The following MALRD1 variants were observed in gnomAD, a reference collection of about 807,000 sequenced individuals.
MALRD1 encodes the protein MAM and LDL-receptor class A domain-containing protein 1.
In MALRD1, 247 loss-of-function variants were observed where a neutral mutation model predicts 242.1. The observed-to-expected ratio is 1.02, with a 90% CI of 0.92 to 1.13. The LOEUF (loss-of-function observed/expected upper bound fraction) is 1.13, where lower values mean the gene tolerates loss of function less well. Ranked by LOEUF, MALRD1 falls within the 50% of genes most tolerant of loss-of-function variation. The pLI, the probability that MALRD1 is intolerant of heterozygous loss-of-function variation, is 0.00. For synonymous variants in MALRD1, 995 were observed against 866.6 expected, an observed-to-expected ratio of 1.15 and a Z score of -2.60; for missense variants, 2,989 against 2,533.1, an observed-to-expected ratio of 1.18 and a Z score of -3.86.
At chr10:19,510,044 G>A (rs1286696615) in intron 31 of MALRD1, among the ~76,000 whole-genome samples, 1 of 152,194 alleles carries the variant, frequency 6.6e-6, no homozygotes, top group Non-Finnish European at 1.5e-5. Flanking sequence ...TAGGGTAATA[G>A]TGGAGAGAGG....
At chr10:19,522,366 A>G (rs1396080761) in intron 31 of MALRD1, among the ~76,000 whole-genome samples, 1 of 152,144 alleles carries the variant, frequency 6.6e-6, no homozygotes, top group Non-Finnish European at 1.5e-5. Context: ...TTAAAAGGCC[A>G]TTAGTGTGAG....
intron 2 of MALRD1, among the ~76,000 whole-genome samples, chr10:19,073,896 C>CT (rs1306831278): frequency 7.9e-5 from 12 of 152,192 alleles, no homozygotes; most frequent in African/African-American, 2.9e-4. Flanking sequence ...GAGACAAACT[C>CT]TGACTCCAGA....
chr10:19,468,823 G>A (rs1589125843), intron 29 of MALRD1, among the ~76,000 whole-genome samples: 1 of 151,926 alleles, frequency 6.6e-6, no homozygotes, highest in East Asian at 1.9e-4. Context: ...GTTCTTTTTG[G>A]TTCTGATACT....
At chr10:19,176,823 T>C (rs12266129) in intron 14 of MALRD1, among the ~76,000 whole-genome samples, 20,967 of 88,646 alleles carry the variant, frequency 0.24, 1,542 homozygotes, top group Middle Eastern at 0.3. Flanking sequence ...TGTGTGTCTG[T>C]GTGTGTGTGC....
chr10:19,514,362 TC>T (rs773161267), intron 31 of MALRD1, among the ~76,000 whole-genome samples: 130 of 152,314 alleles, frequency 8.5e-4, no homozygotes, highest in Non-Finnish European at 1.7e-3. Context: ...TGACAATGTT[TC>T]CCATGCCATT....
Position 19,128,105 on chromosome 10 carries a change from G to GT in MALRD1, c.944-115dup, listed in dbSNP as rs1273878708. 3 of 647,134 alleles carry GT rather than the reference G, an allele frequency of 4.6e-6. No homozygotes were observed. In the Admixed American group the frequency reaches 1.3e-4, roughly 28 times the overall value. The allele number at this position is 647,134 out of a possible 1,614,324, so 40.1% of individuals were successfully genotyped here. On this transcript the variant is annotated intron_variant, in intron 7 of 39. Coordinates refer to ENST00000454679, the MANE Select transcript of MALRD1 (RefSeq NM_001142308.3). The stretch of plus-strand genomic sequence containing the variant: ...ATTTGAAAACGCTCTATCCTTTTAA[G>GT]TAAAATATTTGTGTTTTAAGTCTAG...
intron 38 of MALRD1, chr10:19,710,381 C>A (rs1355026816): frequency 1.3e-5 from 2 of 152,034 alleles, no homozygotes; most frequent in African/African-American, 2.4e-5. Flanking sequence ...TAAAATTTCA[C>A]GTGTATTTCA....
chr10:19,385,423 ATTATTGATCTGTTCAGATT>A (rs1384556165), intron 26 of MALRD1, among the ~76,000 whole-genome samples: 17 of 151,962 alleles, frequency 1.1e-4, no homozygotes, highest in Non-Finnish European at 2.9e-5. Flanking sequence ...CTCATTACTC[ATTATTGATCTGTTCAGATT>A]TTCTGTTTCT....
intron 9 of MALRD1, among the ~76,000 whole-genome samples, chr10:19,135,089 T>C (rs1564414567): frequency 6.6e-6 from 1 of 152,208 alleles, no homozygotes; most frequent in Non-Finnish European, 1.5e-5. Context: ...ACCAAATTAT[T>C]AGACATATTT....
chr10:19,282,195 T>C (rs549537089), intron 20 of MALRD1, among the ~76,000 whole-genome samples: 55 of 152,250 alleles, frequency 3.6e-4, no homozygotes, highest in Non-Finnish European at 5.4e-4. Context: ...CCTAAATCCC[T>C]TCACAAGATA....
intron 33 of MALRD1, among the ~76,000 whole-genome samples, chr10:19,570,926 G>T (rs1836501812): frequency 6.6e-6 from 1 of 152,040 alleles, no homozygotes; most frequent in Admixed American, 6.6e-5. Flanking sequence ...AAAGTATAAA[G>T]TCATGATACA....
At chr10:19,725,626 A>G (rs1194830744) in intron 38 of MALRD1, among the ~76,000 whole-genome samples, 3 of 152,202 alleles carry the variant, frequency 2.0e-5, no homozygotes, top group Admixed American at 2.0e-4. Context: ...ATAAATTGCA[A>G]GGGTACCAAA....
chr10:19,255,299 C>G (rs1177254089), intron 18 of MALRD1, among the ~76,000 whole-genome samples: 1 of 151,778 alleles, frequency 6.6e-6, no homozygotes, highest in Admixed American at 6.6e-5. Context: ...TTTCCGGAAT[C>G]AATACTGTCT....
chr10:19,276,414 G>C (rs1362052599), intron 19 of MALRD1, among the ~76,000 whole-genome samples: 1 of 151,956 alleles, frequency 6.6e-6, no homozygotes, highest in Non-Finnish European at 1.5e-5. Context: ...CATTTTAAAA[G>C]GATGATTTTC....
At chr10:19,499,396 G>C (rs1837866240) in intron 31 of MALRD1, among the ~76,000 whole-genome samples, 1 of 151,086 alleles carries the variant, frequency 6.6e-6, no homozygotes, top group Middle Eastern at 3.4e-3. Flanking sequence ...GAGTAAAGTG[G>C]ATTGCCCTTC....
intron 21 of MALRD1, among the ~76,000 whole-genome samples, chr10:19,297,810 A>G (rs1841776888): frequency 6.6e-6 from 1 of 151,948 alleles, no homozygotes; most frequent in Non-Finnish European, 1.5e-5. Flanking sequence ...AACTGAAGAG[A>G]GAGGCTTCAT....
chr10:19,314,513 G>T (rs949194300), intron 21 of MALRD1, among the ~76,000 whole-genome samples: 1 of 151,718 alleles, frequency 6.6e-6, no homozygotes, highest in Non-Finnish European at 1.5e-5. Flanking sequence ...CATGAAATGG[G>T]CATATCTGGG....
chr10:19,265,680 A>G (rs532149930), intron 19 of MALRD1, among the ~76,000 whole-genome samples: 1 of 152,212 alleles, frequency 6.6e-6, no homozygotes, highest in East Asian at 1.9e-4. Flanking sequence ...GCTCTTGAGA[A>G]GGTGTATTCT....
chr10:19,647,839 G>A (rs1840717910), intron 36 of MALRD1, among the ~76,000 whole-genome samples: 1 of 152,046 alleles, frequency 6.6e-6, no homozygotes, highest in Non-Finnish European at 1.5e-5. Flanking sequence ...ATAAAACTAG[G>A]CAAAATACAT....
Sources: allele counts gnomAD v4.1 joint callset (sites outside exome capture counted in the v4.1 genomes callset), GRCh38; gene constraint gnomAD v4.1.1; transcripts MANE v1.5; gene names NCBI Gene and HGNC (gene_info 2026-07-23, HGNC 2026-07-21).